The following FCN2 variants were observed in gnomAD, a reference collection of about 807,000 sequenced individuals.
The protein encoded by FCN2 is ficolin-2.
FCN2 carries 31 observed loss-of-function variants against 32.5 expected under a neutral mutation model. The observed-to-expected ratio is 0.96, with a 90% confidence interval of 0.72 to 1.29. The LOEUF (loss-of-function observed/expected upper bound fraction) is 1.29. FCN2 is among the 50% of genes most tolerant of loss of function. The pLI is 0.00. For synonymous variants in FCN2, 181 were observed against 164.5 expected (o/e 1.10, Z -0.77); for missense variants, 412 against 406.5 (o/e 1.01, Z -0.12).
At chr9:134,876,661 C>A (rs1830606008), upstream of FCN2, among the ~76,000 whole-genome samples, 1 of 152,218 alleles carries the variant, frequency 6.6e-6, no homozygotes, top group Admixed American at 6.5e-5. Context: ...TCACTGCAAC[C>A]TCTGCCTCCT....
rs921679341 is a variant in FCN2, at chr9:134,887,457, G to T, written c.*42G>T. 2.5e-6 allele frequency: 4 copies of T among 1,600,204 alleles called. No individual in the cohort carries two copies. The highest frequency in any genetic ancestry group is 3.4e-6 in the Non-Finnish European group (4 of 1,168,514). On this transcript the variant is annotated 3_prime_UTR_variant, in exon 8 of 8. Transcript: ENST00000291744. ...GGTCAGGACGCCTCCACACATAGTT[G>T]GTTGGGGGGTAGGGTTGGGAGCTTG... is the stretch of plus-strand genomic sequence containing the variant.
intron 1 of FCN2, among the ~76,000 whole-genome samples, chr9:134,881,780 A>G (rs2132998041): frequency 6.6e-6 from 1 of 152,246 alleles, no homozygotes; most frequent in African/African-American, 2.4e-5. Context: ...CTCGTTGTGG[A>G]GTGGTGGGGT....
chr9:134,886,308 G>C (rs1189159074), intron 6 of FCN2, 122 bp from the exon 7 acceptor site: 16 of 1,181,522 alleles, frequency 1.4e-5, no homozygotes, highest in Non-Finnish European at 2.0e-5. Flanking sequence ...ATGCTGCGGT[G>C]CTCTCCGCCC....
chr9:134,864,223 G>T, the FCN2 span, among the ~76,000 whole-genome samples: 11 of 152,164 alleles, frequency 7.2e-5, no homozygotes, highest in Non-Finnish European at 1.6e-4. Flanking sequence ...TTTCCTCAAG[G>T]GCTGGATTCC....
chr9:134,880,869 G>T lies in FCN2; in HGVS notation c.48G>T (p.Leu16=). 4.3e-6 allele frequency: 7 copies of T among 1,613,720 alleles called. No homozygotes were observed. Among genetic ancestry groups the T allele is most frequent in the Non-Finnish European group, 5.9e-6 (7 of 1,179,966 alleles). ...GGGTCCTGGGCGCTGCCACCCTGCT[G>T]CTCTCTTTCCTGGGCATGGCCTGGG... ...AVGVLGAATL[L]LSFLGMAWAL... is the part of the protein sequence containing the mutation. The change falls in exon 1 of 8, where the codon CTG becomes CTT. Residue 16 remains leucine (L), a synonymous_variant. Coordinates refer to ENST00000291744, the MANE Select transcript of FCN2 (RefSeq NM_004108.3).
the FCN2 span, among the ~76,000 whole-genome samples, chr9:134,871,277 GT>G: frequency 6.6e-6 from 1 of 152,206 alleles, no homozygotes; most frequent in Non-Finnish European, 1.5e-5. Flanking sequence ...ACTGAGTGTG[GT>G]TTTCGGGGCC....
chr9:134,887,093 C>A, intron 7 of FCN2, 75 bp from the exon 8 acceptor site: 4 of 1,566,228 alleles, frequency 2.6e-6, no homozygotes. Flanking sequence ...CCAGGCCAGG[C>A]CTCAGGTATA....
upstream of FCN2, among the ~76,000 whole-genome samples, chr9:134,875,834 A>G (rs55809689): frequency 0.012 from 1,769 of 152,334 alleles, 35 homozygotes; most frequent in African/African-American, 0.038. Flanking sequence ...TTGAGACCTT[A>G]GCAGAGAACC....
intron 3 of FCN2, among the ~76,000 whole-genome samples, chr9:134,883,981 G>GC (rs1187949302): frequency 6.7e-6 from 1 of 150,118 alleles, no homozygotes; most frequent in Non-Finnish European, 1.5e-5. Context: ...TGAGAGGGTG[G>GC]GGGGGGATTG....
At chr9:134,877,761 C>T (rs73565959), upstream of FCN2, among the ~76,000 whole-genome samples, 1,146 of 152,258 alleles carry the variant, frequency 7.5e-3, 10 homozygotes, top group African/African-American at 0.026. Context: ...CTAGAACAGC[C>T]GGCACCCTGA....
chr9:134,867,373 A>G, the FCN2 span, among the ~76,000 whole-genome samples: 1 of 151,642 alleles, frequency 6.6e-6, no homozygotes, highest in Admixed American at 6.6e-5. Flanking sequence ...CATCATTCTC[A>G]GTAAACTATC....
At chr9:134,869,556 A>C in the FCN2 span, among the ~76,000 whole-genome samples, 1 of 152,166 alleles carries the variant, frequency 6.6e-6, no homozygotes, top group Non-Finnish European at 1.5e-5. Flanking sequence ...GCCTCTGGAA[A>C]TCAGGGCCCT....
the FCN2 span, among the ~76,000 whole-genome samples, chr9:134,864,723 C>T: frequency 2.0e-5 from 3 of 152,178 alleles, no homozygotes; most frequent in Non-Finnish European, 4.4e-5. Context: ...AAGCTGACAG[C>T]GGCCACCTGC....
chr9:134,879,297 T>G (rs116314896), upstream of FCN2, among the ~76,000 whole-genome samples: 3,827 of 152,352 alleles, frequency 0.025, 135 homozygotes, highest in African/African-American at 0.087. Context: ...ATAGCATATT[T>G]TTTTAGATTT....
Position 134,887,446 on chromosome 9 carries a change from C to T in FCN2, c.*31C>T, listed in dbSNP as rs1167179235. On this transcript the variant is annotated 3_prime_UTR_variant, in exon 8 of 8. Coordinates refer to ENST00000291744, the MANE Select transcript of FCN2 (RefSeq NM_004108.3). ...GCCGGCCTCAGGGTCAGGACGCCTCCACACATAGTTGGTTGGGGGGTAGGG... is the reference window on the plus strand; with the variant it reads ...GCCGGCCTCAGGGTCAGGACGCCTCTACACATAGTTGGTTGGGGGGTAGGG... 1.2e-6 allele frequency: 2 copies of T among 1,609,480 alleles called. No homozygotes were observed. Among genetic ancestry groups the T allele is most frequent in the East Asian group, 4.5e-5 (2 of 44,856 alleles).
At chr9:134,870,928 G>A in the FCN2 span, among the ~76,000 whole-genome samples, 7 of 152,100 alleles carry the variant, frequency 4.6e-5, no homozygotes, top group Admixed American at 3.9e-4. This position sits in a 1 kb window ranked among gnomAD's most constrained non-coding sequence, Gnocchi z 4.3. Flanking sequence ...ACTGGGCTCG[G>A]CGGTGCCCTC....
the FCN2 span, among the ~76,000 whole-genome samples, chr9:134,873,883 GTTTGT>G: frequency 8.8e-5 from 4 of 45,420 alleles, no homozygotes; most frequent in Non-Finnish European, 1.7e-4. Flanking sequence ...TTGTTTGTTT[GTTTGT>G]TTTGTTTTTT....
rs115414303 is a variant in FCN2, at chr9:134,884,708, T to A, written c.269-32T>A. On this transcript the variant is annotated intron_variant, in intron 3 of 7. Coordinates refer to ENST00000291744, the MANE Select transcript of FCN2 (RefSeq NM_004108.3). Reference sequence around the variant, plus strand: ...CTGAAGGGCTCTGATTTCCAAACTGTGACACGTGTGTCCTCTCTCATCCAT... The same window carrying A: ...CTGAAGGGCTCTGATTTCCAAACTGAGACACGTGTGTCCTCTCTCATCCAT... The A allele has an allele frequency of 6.7e-4, 1,085 of 1,612,358 alleles. 7 individuals carry two copies. In the African/African-American group the frequency reaches 0.013, roughly 19 times the overall value.
chr9:134,868,382 C>A, the FCN2 span: 3 of 179,886 alleles, frequency 1.7e-5, no homozygotes, highest in South Asian at 1.4e-4. This position sits in a 1 kb window ranked among gnomAD's most constrained non-coding sequence, Gnocchi z 4.3. Context: ...TCGGGGGGGC[C>A]CGTGACAGCT....
Sources: gnomAD v4.1 joint callset for allele counts (sites outside exome capture counted in the v4.1 genomes callset) on GRCh38, gnomAD v4.1.1 for gene constraint, Gnocchi (gnomAD v3.1) non-coding constraint, MANE v1.5 for transcripts, NCBI Gene and HGNC (gene_info 2026-07-23, HGNC 2026-07-21) for gene names.